BCAR3: variants seen among roughly 807,000 people sequenced by gnomAD.
BCAR3 encodes the protein breast cancer anti-estrogen resistance protein 3.
Under a neutral mutation model 80.1 loss-of-function variants are expected in BCAR3, and 37 were observed. The ratio of observed to expected loss-of-function variants is 0.46; its 90% CI spans 0.36 to 0.61. The LOEUF (loss-of-function observed/expected upper bound fraction) is 0.61, where lower values mean the gene tolerates loss of function less well. BCAR3 is among the 20% of genes least tolerant of loss of function. The pLI, the probability that BCAR3 is intolerant of heterozygous loss-of-function variation, is 0.00. For missense variants in BCAR3, 978 were observed against 1,068.2 expected (o/e 0.92, Z 1.18); for synonymous variants, 389 against 418.9 (o/e 0.93, Z 0.87).
At chr1:93,648,298 T>A (rs764794951) in intron 2 of BCAR3, among the ~76,000 whole-genome samples, 3 of 152,106 alleles carry the variant, frequency 2.0e-5, no homozygotes, top group African/African-American at 7.2e-5. Context: ...GTGAGAGGCA[T>A]AATGGGATGG....
intron 2 of BCAR3, among the ~76,000 whole-genome samples, chr1:93,761,892 C>G (rs1298723516): frequency 1.3e-5 from 2 of 152,162 alleles, no homozygotes; most frequent in East Asian, 3.9e-4. Context: ...CCGGTTTTCT[C>G]TCATTGATAT....
intron 3 of BCAR3, among the ~76,000 whole-genome samples, chr1:93,640,026 T>C (rs1675929405): frequency 6.6e-6 from 1 of 152,084 alleles, no homozygotes; most frequent in Non-Finnish European, 1.5e-5. Context: ...ATAATTCACA[T>C]AGAACTACTT....
At chr1:93,780,139 C>T (rs1652716836) in intron 2 of BCAR3, among the ~76,000 whole-genome samples, 2 of 152,204 alleles carry the variant, frequency 1.3e-5, no homozygotes, top group African/African-American at 4.8e-5. Flanking sequence ...TCCTCTGTGG[C>T]CTTCCTTTGC....
intron 2 of BCAR3, among the ~76,000 whole-genome samples, chr1:93,769,837 C>T (rs1652292820): frequency 6.6e-6 from 1 of 152,172 alleles, no homozygotes; most frequent in South Asian, 2.1e-4. Context: ...GATTGGGAAT[C>T]CCAGAGGGAG....
At chr1:93,594,454 G>C (rs998104562) in intron 3 of BCAR3, 1 of 152,372 alleles carries the variant, frequency 6.6e-6, no homozygotes, top group African/African-American at 2.4e-5. Context: ...TGGACGGTGA[G>C]TGGGGAGCCA....
At chr1:93,742,292 G>C (rs904261343) in intron 2 of BCAR3, among the ~76,000 whole-genome samples, 3 of 152,206 alleles carry the variant, frequency 2.0e-5, no homozygotes, top group Non-Finnish European at 4.4e-5. Flanking sequence ...GCTCTCTGGA[G>C]TGAGAATTCA....
At chr1:93,748,249 C>T (rs991023713) in intron 2 of BCAR3, among the ~76,000 whole-genome samples, 3 of 152,194 alleles carry the variant, frequency 2.0e-5, no homozygotes, top group African/African-American at 7.2e-5. Flanking sequence ...TTGGGGCTAG[C>T]TTGCTTGCCT....
At position 93,567,314 on chromosome 1, in the gene BCAR3, T is replaced by G. The variant is rs919712226; in HGVS notation, c.2264A>C (p.Asp755Ala). 1 of 1,614,200 alleles carries G rather than the reference T, an allele frequency of 6.2e-7. No homozygotes were observed. ...CCTCTCAGCATTCATCCGGTAGCTGTCTGCAGCCTCGGCCATGAATCGCGC... is the reference window on the plus strand; with the variant it reads ...CCTCTCAGCATTCATCCGGTAGCTGGCTGCAGCCTCGGCCATGAATCGCGC... Reference protein sequence around the residue: ...ATARFMAEAADSYRMNAERIL... With the variant: ...ATARFMAEAAASYRMNAERIL... The change falls in exon 11 of 12, where the codon GAC (aspartate) becomes GCC (alanine). Residue 755 changes from aspartate (D) to alanine (A), a missense_variant. By Grantham distance (126) the Asp-to-Ala change is moderately radical. Coordinates refer to ENST00000260502, the MANE Select transcript of BCAR3 (RefSeq NM_003567.4).
intron 2 of BCAR3, among the ~76,000 whole-genome samples, chr1:93,732,020 G>A (rs1164039946): frequency 2.0e-5 from 3 of 152,224 alleles, no homozygotes; most frequent in African/African-American, 4.8e-5. Context: ...AGCAAACCGC[G>A]TGGACAGCTG....
chr1:93,642,334 A>G lies in BCAR3; in HGVS notation c.327T>C (p.His109=). 1 of 1,613,504 alleles carries G rather than the reference A, an allele frequency of 6.2e-7. No individual in the cohort carries two copies. Among genetic ancestry groups the G allele is most frequent in the South Asian group, 1.1e-5 (1 of 91,056 alleles). The change falls in exon 3 of 12, where the codon CAT becomes CAC. Residue 109 remains histidine, a synonymous_variant. Transcript: ENST00000260502. ...HGETFTFRDP[H]LLDPTVEYVK... ...CATATTCCACAGTTGGGTCCAGAAG[A>G]TGTGGATCCCTGAAAAGAGAAAATA...
intron 2 of BCAR3, among the ~76,000 whole-genome samples, chr1:93,835,118 G>A (rs1654716424): frequency 6.6e-6 from 1 of 152,148 alleles, no homozygotes; most frequent in Non-Finnish European, 1.5e-5. Flanking sequence ...CCTCATGCTT[G>A]CAAAGGGACT....
chr1:93,770,224 G>A (rs958009267), intron 2 of BCAR3, among the ~76,000 whole-genome samples: 1 of 152,120 alleles, frequency 6.6e-6, no homozygotes, highest in Non-Finnish European at 1.5e-5. Flanking sequence ...GGCATCTAAC[G>A]GAAGAGCTGC....
chr1:93,843,017 C>T (rs1306756386), intron 2 of BCAR3, among the ~76,000 whole-genome samples: 1 of 152,114 alleles, frequency 6.6e-6, no homozygotes, highest in Non-Finnish European at 1.5e-5. Context: ...TGAAAAAGGC[C>T]TTCATTTCAA....
rs551595086 is a variant in BCAR3 at position 93,708,010 on chromosome 1, C to T, written c.-62-1868G>A. Among the ~76,000 whole-genome samples the T allele has an allele frequency of 5.9e-5, 9 of 152,086 alleles. No individual in the cohort carries two copies. In the South Asian group the frequency reaches 1.0e-3, roughly 18 times the overall value. ...TTTGCAAGGTGGTAAGCCGAGGGGG[C>T]GGCTCAAAAGTTGCCAGCATAGACA... On this transcript the variant is annotated intron_variant, in intron 2 of 13. Coordinates refer to the BCAR3 transcript ENST00000370244.
chr1:93,658,395 G>C (rs1647490546), intron 2 of BCAR3, among the ~76,000 whole-genome samples: 1 of 151,886 alleles, frequency 6.6e-6, no homozygotes, highest in African/African-American at 2.4e-5. Context: ...TGTCTGCATA[G>C]AACACACAAA....
rs1038774650 is a variant in BCAR3 at position 93,562,168 on chromosome 1, A to G, written c.*73T>C. 2.0e-6 allele frequency: 3 copies of G among 1,483,292 alleles called. No homozygotes were observed. The highest frequency in any genetic ancestry group is 9.1e-7 in the Non-Finnish European group (1 of 1,094,736). The allele number at this position is 1,483,292 out of a possible 1,614,324, so 91.9% of individuals were successfully genotyped here. A position where few individuals can be genotyped will look rare whatever the true frequency, so the allele number is the denominator to read the frequency against. On this transcript the variant is annotated 3_prime_UTR_variant, in exon 12 of 12. Coordinates refer to ENST00000260502, the MANE Select transcript of BCAR3 (RefSeq NM_003567.4). Reference sequence around the variant, plus strand: ...AGATTTGCACATTATTACTTTATCAAAAACAGTAAGCTTTCCCAAAGATGA... The same window carrying G: ...AGATTTGCACATTATTACTTTATCAGAAACAGTAAGCTTTCCCAAAGATGA...
At chr1:93,620,590 G>A (rs114296670) in intron 3 of BCAR3, among the ~76,000 whole-genome samples, 1,827 of 152,200 alleles carry the variant, frequency 0.012, 26 homozygotes, top group Middle Eastern at 0.02. Context: ...GCTAGTTGCA[G>A]AATTGGACTT....
chr1:93,710,554 A>G (rs1649984183), intron 2 of BCAR3, among the ~76,000 whole-genome samples: 1 of 152,182 alleles, frequency 6.6e-6, no homozygotes, highest in Non-Finnish European at 1.5e-5. Flanking sequence ...CTTGTTAGGA[A>G]GACCCCCAGG....
Position 93,828,582 on chromosome 1 carries a change from C to T in BCAR3, c.-63+16985G>A, listed in dbSNP as rs186430918. On this transcript the variant is annotated intron_variant, in intron 2 of 13. Transcript: ENST00000370244. ...AGGCCTTGCTGGGTTCCTGCCCCTC[C>T]TTTTTGTGCAATCACATTTCTACAC... 1.1e-4 allele frequency among the ~76,000 whole-genome samples: 17 copies of T among 152,286 alleles called. No individual in the cohort carries two copies. The East Asian group carries it at 2.9e-3, about 26-fold the overall frequency.
Sources: gnomAD v4.1 joint callset for allele counts (sites outside exome capture counted in the v4.1 genomes callset) on GRCh38, gnomAD v4.1.1 for gene constraint, MANE v1.5 for transcripts, NCBI Gene and HGNC (gene_info 2026-07-23, HGNC 2026-07-21) for gene names.